KCNQ1: variants seen among roughly 807,000 people sequenced by gnomAD.
KCNQ1 encodes potassium voltage-gated channel subfamily KQT member 1.
KCNQ1 carries 49 observed loss-of-function variants against 72.4 expected under a neutral mutation model. That is an observed-to-expected ratio of 0.68 (90% CI 0.54 to 0.86). The LOEUF (loss-of-function observed/expected upper bound fraction) is 0.86. KCNQ1 is among the 40% of genes least tolerant of loss of function. KCNQ1 has a pLI of 0.00. For synonymous variants in KCNQ1, 450 were observed against 412.6 expected (o/e 1.09, Z -1.10); for missense variants, 790 against 945.1 (o/e 0.84, Z 2.15).
chr11:2,560,482 G>T (rs1483778764), intron 2 of KCNQ1, among the ~76,000 whole-genome samples: 1 of 110,896 alleles, frequency 9.0e-6, no homozygotes, highest in Non-Finnish European at 1.9e-5. Context: ...GTCCATCCTG[G>T]GGGCGGGTGA....
rs1194375415 is a variant in KCNQ1 at position 2,593,165 on chromosome 11, C to T, written c.1393+4311C>T. 6.6e-6 allele frequency among the ~76,000 whole-genome samples: 1 copy of T among 152,202 alleles called. No individual in the cohort carries two copies. The highest frequency in any genetic ancestry group is 1.5e-5 in the Non-Finnish European group (1 of 68,046). On this transcript the variant is annotated intron_variant, in intron 10 of 15. Transcript: ENST00000155840. This position sits in a 1 kb window ranked among gnomAD's most constrained non-coding sequence, Gnocchi z 6.9. The stretch of plus-strand genomic sequence containing the variant: ...GTGGGTACACGATAAAAATGCAGGG[C>T]TGTGCCACCAGGGTTTTGTCTTGAC...
In KCNQ1 at chr11:2,645,030, C is replaced by A. The variant is rs150063693; in HGVS notation, c.1394-16931C>A. The A allele has an allele frequency of 1.5e-3, 615 of 398,774 alleles. 3 individuals are homozygous for A. The East Asian group carries it at 0.018, about 12-fold the overall frequency. The allele number at this position is 398,774 out of a possible 1,614,324, so 24.7% of individuals were successfully genotyped here. On this transcript the variant is annotated intron_variant, in intron 10 of 15. Transcript: ENST00000155840. The surrounding 1 kb of genome is among the most constrained non-coding windows in gnomAD (Gnocchi z 5.8). ...GTCCAGGGAAACCAATTTTGGGCCT[C>A]CAGGCAACTTGCTCAGGTGCCAATG...
rs569013737 is a variant in KCNQ1, at chr11:2,575,992, C to T, written c.921+3006C>T. Among the ~76,000 whole-genome samples the T allele has an allele frequency of 5.9e-5, 9 of 152,356 alleles. No individual in the cohort carries two copies. In the East Asian group the frequency reaches 9.6e-4, roughly 16 times the overall value. On this transcript the variant is annotated intron_variant, in intron 6 of 15. Coordinates refer to ENST00000155840, the MANE Select transcript of KCNQ1 (RefSeq NM_000218.3). ...GGAGACTCCAGGCGTGCCCGGTGTG[C>T]GGCCGCCTCTTTCCTCTGTGTCAGG...
Position 2,524,883 on chromosome 11 carries a change from G to A in KCNQ1, c.387-3045G>A, listed in dbSNP as rs187092083. Reference sequence around the variant, plus strand: ...GATGGTGCCCTGGCCCTCTCTGCACGCCGTGGGCCTGGGGAGCAGGCAGGT... The same window carrying A: ...GATGGTGCCCTGGCCCTCTCTGCACACCGTGGGCCTGGGGAGCAGGCAGGT... On this transcript the variant is annotated intron_variant, in intron 1 of 15. Transcript: ENST00000155840. Among the ~76,000 whole-genome samples the A allele has an allele frequency of 3.8e-3, 572 of 152,294 alleles. 5 individuals carry two copies. Among genetic ancestry groups the A allele is most frequent in the African/African-American group, 0.013 (552 of 41,552 alleles).
intron 10 of KCNQ1, among the ~76,000 whole-genome samples, chr11:2,605,879 A>C (rs1290123211): frequency 6.6e-6 from 1 of 152,250 alleles, no homozygotes; most frequent in Non-Finnish European, 1.5e-5. Flanking sequence ...GAGTGTTGCC[A>C]TCTTAACAAT....
intron 11 of KCNQ1, among the ~76,000 whole-genome samples, chr11:2,756,396 A>G (rs779573786): frequency 2.6e-5 from 4 of 151,528 alleles, no homozygotes; most frequent in Non-Finnish European, 4.4e-5. Context: ...ATATAATACC[A>G]AGGAAAAGCC....
intron 1 of KCNQ1, among the ~76,000 whole-genome samples, chr11:2,487,811 G>T (rs370325557): frequency 1.3e-5 from 2 of 152,034 alleles, no homozygotes; most frequent in East Asian, 1.9e-4. Context: ...TCTGTGAATA[G>T]AAATAGTTTT....
At chr11:2,506,078 G>T (rs1409276317) in intron 1 of KCNQ1, among the ~76,000 whole-genome samples, 2 of 152,150 alleles carry the variant, frequency 1.3e-5, no homozygotes, top group South Asian at 4.1e-4. Flanking sequence ...GGACAGATGC[G>T]CACTCCTACG....
In KCNQ1 at chr11:2,678,312, TTTTA is replaced by T; in HGVS notation, c.1514+16235_1514+16238del. 1 of 398,510 alleles carries T rather than the reference TTTTA, an allele frequency of 2.5e-6. No individual in the cohort carries two copies. Among genetic ancestry groups the T allele is most frequent in the Non-Finnish European group, 4.4e-6 (1 of 226,004 alleles). 24.7% of individuals were successfully genotyped at this position (398,510 alleles called of 1,614,324 possible). On this transcript the variant is annotated intron_variant, in intron 11 of 15. Transcript: ENST00000155840. This position sits in a 1 kb window ranked among gnomAD's most constrained non-coding sequence, Gnocchi z 4.9. Reference sequence around the variant, plus strand: ...TTCTTCCATGTTTTCTTCTATCATTTTTTATTTCATTTTTTACATTTAAATCCTT... The same window carrying T: ...TTCTTCCATGTTTTCTTCTATCATTTTTTCATTTTTTACATTTAAATCCTT...
intron 1 of KCNQ1, chr11:2,461,487 G>C: frequency 7.7e-7 from 1 of 1,297,466 alleles, no homozygotes; most frequent in Non-Finnish European, 1.0e-6. Context: ...TGAGAGGCCC[G>C]GGAAGGCACT....
chr11:2,657,777 C>T lies in KCNQ1; in HGVS notation c.1394-4184C>T. ...AGTCTTGTTCTTCATTAACTTGACA[C>T]TTTTGAAGAATACCAGTCAGGTGTC... is the stretch of plus-strand genomic sequence containing the variant. On this transcript the variant is annotated intron_variant, in intron 10 of 15. Transcript: ENST00000155840. The surrounding 1 kb of genome is among the most constrained non-coding windows in gnomAD (Gnocchi z 4.8). 2.5e-6 allele frequency: 1 copy of T among 398,548 alleles called. No homozygotes were observed. The highest frequency in any genetic ancestry group is 4.4e-6 in the Non-Finnish European group (1 of 226,052). The allele number at this position is 398,548 out of a possible 1,614,324, so 24.7% of individuals were successfully genotyped here. A position where few individuals can be genotyped will look rare whatever the true frequency, so the allele number is the denominator to read the frequency against.
Position 2,602,262 on chromosome 11 carries a change from G to T in KCNQ1, c.1393+13408G>T, listed in dbSNP as rs572830475. Among the ~76,000 whole-genome samples the T allele has an allele frequency of 6.6e-6, 1 of 151,112 alleles. No homozygotes were observed. Among genetic ancestry groups the T allele is most frequent in the East Asian group, 1.9e-4 (1 of 5,132 alleles). On this transcript the variant is annotated intron_variant, in intron 10 of 15. Coordinates refer to ENST00000155840, the MANE Select transcript of KCNQ1 (RefSeq NM_000218.3). The surrounding 1 kb of genome is among the most constrained non-coding windows in gnomAD (Gnocchi z 4.8). ...CCCTAAGACTCTTTTCAGACTTCTG[G>T]CCTCTAGAACTGTGAGAAAAAAAAA...
Position 2,488,153 on chromosome 11 carries a change from A to T in KCNQ1, c.387-39775A>T, listed in dbSNP as rs1846773350. The stretch of plus-strand genomic sequence containing the variant: ...AGTGTTATTTCTTCATTCTGTTAAT[A>T]TGCTCTTTTACATGGATTTATTTTT... On this transcript the variant is annotated intron_variant, in intron 1 of 15. Coordinates refer to ENST00000155840, the MANE Select transcript of KCNQ1 (RefSeq NM_000218.3). The surrounding 1 kb of genome is among the most constrained non-coding windows in gnomAD (Gnocchi z 5.1). Among the ~76,000 whole-genome samples, 1 of 152,172 alleles carries T rather than the reference A, an allele frequency of 6.6e-6. No homozygotes were observed. Among genetic ancestry groups the T allele is most frequent in the South Asian group, 2.1e-4 (1 of 4,826 alleles).
rs1846869838 is a variant in KCNQ1 at position 2,783,957 on chromosome 11, C to G, written c.1794+5920C>G. Among the ~76,000 whole-genome samples the G allele has an allele frequency of 6.6e-6, 1 of 151,960 alleles. No individual in the cohort carries two copies. The highest frequency in any genetic ancestry group is 1.5e-5 in the Non-Finnish European group (1 of 67,838). On this transcript the variant is annotated intron_variant, in intron 15 of 15. Transcript: ENST00000155840. This position sits in a 1 kb window ranked among gnomAD's most constrained non-coding sequence, Gnocchi z 5.2. ...CCATTCTGTGGCTGTCTTTTCATTT[C>G]CTTAATCACATCTTTTAAATCACAA...
intron 1 of KCNQ1, among the ~76,000 whole-genome samples, chr11:2,455,634 C>T (rs561155479): frequency 5.9e-4 from 90 of 152,322 alleles, no homozygotes; most frequent in Middle Eastern, 3.4e-3. Flanking sequence ...AATGGCCATA[C>T]GGCCCAAAGC....
chr11:2,660,073 C>G (rs1849923613), intron 10 of KCNQ1: 1 of 398,308 alleles, frequency 2.5e-6, no homozygotes, highest in Admixed American at 4.4e-5. Context: ...TTCTTTTTCT[C>G]TTACGAGTTA....
rs1269540549 is a variant in KCNQ1 at position 2,848,940 on chromosome 11, G to T, written c.*937G>T. ...TGTGTTTTAATGAGTTTCACAGTGT[G>T]ATTTTGATTATTAATTGTGCAAGCT... On this transcript the variant is annotated 3_prime_UTR_variant, in exon 16 of 16. Transcript: ENST00000155840. 2.2e-6 allele frequency: 1 copy of T among 454,036 alleles called. No individual in the cohort carries two copies. Among genetic ancestry groups the T allele is most frequent in the Non-Finnish European group, 4.4e-6 (1 of 226,802 alleles). 28.1% of individuals were successfully genotyped at this position (454,036 alleles called of 1,614,324 possible).
rs1850297211 is a variant in KCNQ1 at position 2,676,507 on chromosome 11, C to T, written c.1514+14426C>T. ...GCATCAGTTCCATTTCTGGTGAACA[C>T]TTGGACTTGGCAAAAGGCATAGAGG... On this transcript the variant is annotated intron_variant, in intron 11 of 15. Coordinates refer to ENST00000155840, the MANE Select transcript of KCNQ1 (RefSeq NM_000218.3). The surrounding 1 kb of genome is among the most constrained non-coding windows in gnomAD (Gnocchi z 4.2). 1.5e-5 allele frequency: 6 copies of T among 398,636 alleles called. No homozygotes were observed. In the East Asian group the frequency reaches 2.1e-4, roughly 14 times the overall value. 24.7% of individuals were successfully genotyped at this position (398,636 alleles called of 1,614,324 possible). A position where few individuals can be genotyped will look rare whatever the true frequency, so the allele number is the denominator to read the frequency against.
chr11:2,688,986 C>T (rs978243575), intron 11 of KCNQ1: 6 of 398,746 alleles, frequency 1.5e-5, no homozygotes, highest in Non-Finnish European at 2.7e-5. Context: ...ATCTGGAGAG[C>T]AGGGGAGCCT....
Sources: gnomAD v4.1 joint callset for allele counts (sites outside exome capture counted in the v4.1 genomes callset) on GRCh38, gnomAD v4.1.1 for gene constraint, Gnocchi (gnomAD v3.1) non-coding constraint, MANE v1.5 for transcripts, NCBI Gene and HGNC (gene_info 2026-07-23, HGNC 2026-07-21) for gene names.